Variants in CADPS observed in about 807,000 individuals in gnomAD.
The protein encoded by CADPS is calcium-dependent secretion activator 1.
A neutral mutation model predicts 167.3 loss-of-function variants in CADPS; 57 were observed. The ratio of observed to expected loss-of-function variants is 0.34; its 90% confidence interval spans 0.28 to 0.42. The LOEUF is 0.42. Ranked by LOEUF, CADPS falls within the 20% of genes least tolerant of loss-of-function variation. The probability of loss-of-function intolerance (pLI) is 1.00; values close to 1 mark genes in which losing one functional copy is unlikely to be tolerated. For missense variants in CADPS, 1,414 were observed against 1,738.1 expected (o/e 0.81, Z 3.32); for synonymous variants, 676 against 635.3 (o/e 1.06, Z -0.96).
At chr3:62,722,848 G>T (rs1312575621) in intron 3 of CADPS, among the ~76,000 whole-genome samples, 1 of 152,072 alleles carries the variant, frequency 6.6e-6, no homozygotes, top group Non-Finnish European at 1.5e-5. Context: ...GGCCGTGAGG[G>T]TCCTGTGCTC....
chr3:62,662,499 T>C (rs2073486653), intron 3 of CADPS, 105 bp from the exon 4 acceptor site: 1 of 920,768 alleles, frequency 1.1e-6, no homozygotes, highest in African/African-American at 1.7e-5. Flanking sequence ...CATGGACATA[T>C]TTCAGTTAAA....
Position 62,412,181 on chromosome 3 carries a change from T to C in CADPS, c.3778-8996A>G, listed in dbSNP as rs943393818. 1.6e-4 allele frequency among the ~76,000 whole-genome samples: 25 copies of C among 151,766 alleles called. No homozygotes were observed. The highest frequency in any genetic ancestry group is 5.8e-4 in the African/African-American group (24 of 41,362). On this transcript the variant is annotated intron_variant, in intron 28 of 29. Coordinates refer to ENST00000383710, the MANE Select transcript of CADPS (RefSeq NM_003716.4). This position sits in a 1 kb window ranked among gnomAD's most constrained non-coding sequence, Gnocchi z 4.1. ...TTTTTTTTTAACGTCCGTAATTCTT[T>C]GGATACCTGAAAACCCATGCCACTG...
chr3:62,817,779 T>A (rs2094695033), intron 1 of CADPS, among the ~76,000 whole-genome samples: 1 of 152,206 alleles, frequency 6.6e-6, no homozygotes, highest in Non-Finnish European at 1.5e-5. Context: ...GTCTGCTAGA[T>A]AAATTGGTAC....
chr3:62,672,908 C>T lies in CADPS; in HGVS notation c.889-10514G>A, dbSNP rs151066002. On this transcript the variant is annotated intron_variant, in intron 3 of 29. Transcript: ENST00000383710. The stretch of plus-strand genomic sequence containing the variant: ...GGGATTACAGATGTGAGCCACTGCA[C>T]CTGGCCCTCTGTCATCTTTGTCTGG... Among the ~76,000 whole-genome samples, 253 of 152,302 alleles carry T rather than the reference C, an allele frequency of 1.7e-3. 4 individuals are homozygous for T. The East Asian group carries it at 0.022, about 13-fold the overall frequency.
intron 17 of CADPS, among the ~76,000 whole-genome samples, chr3:62,505,955 C>G (rs1348266954): frequency 1.3e-5 from 2 of 152,154 alleles, no homozygotes; most frequent in African/African-American, 2.4e-5. Flanking sequence ...AGTATACATA[C>G]AAACTACACA....
At chr3:62,648,924 C>G (rs923772899) in intron 5 of CADPS, among the ~76,000 whole-genome samples, 1 of 151,984 alleles carries the variant, frequency 6.6e-6, no homozygotes, top group African/African-American at 2.4e-5. Flanking sequence ...GATTTTTTCA[C>G]ACACTAAGTA....
At chr3:62,681,795 T>C (rs181155896) in intron 3 of CADPS, among the ~76,000 whole-genome samples, 2 of 152,126 alleles carry the variant, frequency 1.3e-5, no homozygotes, top group East Asian at 1.9e-4. Context: ...CTATAACACA[T>C]CTACATCATC....
At chr3:62,846,631 T>C (rs932178008) in intron 1 of CADPS, among the ~76,000 whole-genome samples, 1 of 152,102 alleles carries the variant, frequency 6.6e-6, no homozygotes, top group Non-Finnish European at 1.5e-5. Context: ...TGACCAAAGA[T>C]TGGGTCTTTT....
In CADPS at chr3:62,516,126, G is replaced by C; in HGVS notation, c.2514C>G (p.Ile838Met). The change falls in exon 16 of 30, where the codon ATC becomes ATG. Residue 838 changes from isoleucine (I) to methionine (M), a missense_variant. This residue lies in a region of CADPS where 529 missense variants were observed against 629.6 expected (regional missense o/e 0.84). Coordinates refer to ENST00000383710, the MANE Select transcript of CADPS (RefSeq NM_003716.4). ...PVPQEEVKTV[I>M]RKCLEQAALV... ...ACGCAGCCTGTTCCAGACATTTACG[G>C]ATAACTGTTTTTACCTCCTCTTGTG... 6.2e-7 allele frequency: 1 copy of C among 1,613,370 alleles called. No homozygotes were observed. The highest frequency in any genetic ancestry group is 8.5e-7 in the Non-Finnish European group (1 of 1,179,470).
At chr3:62,447,527 T>C (rs2057398340) in intron 26 of CADPS, among the ~76,000 whole-genome samples, 1 of 152,134 alleles carries the variant, frequency 6.6e-6, no homozygotes, top group African/African-American at 2.4e-5. Flanking sequence ...TGTCTCCTCA[T>C]TGATTCACCT....
chr3:62,841,550 T>C (rs993990153), intron 1 of CADPS, among the ~76,000 whole-genome samples: 1 of 152,092 alleles, frequency 6.6e-6, no homozygotes. Context: ...ACCTTGTCTC[T>C]ACAAAAAAAT....
At chr3:62,820,352 C>T (rs931769106) in intron 1 of CADPS, among the ~76,000 whole-genome samples, 2 of 152,168 alleles carry the variant, frequency 1.3e-5, no homozygotes, top group African/African-American at 4.8e-5. Context: ...CAGACATTCA[C>T]AACACCCTCC....
intron 4 of CADPS, among the ~76,000 whole-genome samples, chr3:62,660,986 A>G (rs2073069808): frequency 6.6e-6 from 1 of 152,180 alleles, no homozygotes; most frequent in Non-Finnish European, 1.5e-5. Context: ...TCTCTAAACC[A>G]AGAATGATAA....
intron 1 of CADPS, among the ~76,000 whole-genome samples, chr3:62,863,830 T>C (rs927314659): frequency 6.6e-6 from 1 of 152,218 alleles, no homozygotes; most frequent in African/African-American, 2.4e-5. Flanking sequence ...CATTTGTGCC[T>C]TGGCCAGCTC....
Position 62,481,738 on chromosome 3 carries a change from G to A in CADPS, c.3158C>T (p.Ala1053Val). The change falls in exon 22 of 30, where the codon GCT (alanine) becomes GTT (valine). Residue 1053 changes from alanine to valine, a missense_variant. Transcript: ENST00000383710. ...PTFSAPSWMA[A>V]IYDADNGSGT... is the part of the protein sequence containing the mutation. ...GAATACACACTCCGCATCATATATAGCAGCCATCCATGACGGTGCCGAAAA... is the reference window on the plus strand; with the variant it reads ...GAATACACACTCCGCATCATATATAACAGCCATCCATGACGGTGCCGAAAA... The A allele has an allele frequency of 2.5e-6, 4 of 1,603,266 alleles. No homozygotes were observed. Among genetic ancestry groups the A allele is most frequent in the Non-Finnish European group, 2.5e-6 (3 of 1,176,972 alleles).
intron 26 of CADPS, among the ~76,000 whole-genome samples, chr3:62,448,043 T>C (rs1219393010): frequency 2.0e-5 from 3 of 152,160 alleles, no homozygotes; most frequent in Admixed American, 6.5e-5. Context: ...ACCCATAGAA[T>C]TTAAGGAATT....
At chr3:62,768,807 G>A (rs2087674497) in intron 1 of CADPS, among the ~76,000 whole-genome samples, 1 of 152,214 alleles carries the variant, frequency 6.6e-6, no homozygotes, top group Non-Finnish European at 1.5e-5. Context: ...GGAGAAAGGA[G>A]CTAAGGAACT....
In CADPS at chr3:62,851,412, C is replaced by T. The variant is rs960520349; in HGVS notation, c.441+23177G>A. Among the ~76,000 whole-genome samples, 9 of 138,528 alleles carry T rather than the reference C, an allele frequency of 6.5e-5. 1 individual carries two copies. Among genetic ancestry groups the T allele is most frequent in the African/African-American group, 2.4e-4 (9 of 37,284 alleles). 90.9% of individuals were successfully genotyped at this position (138,528 alleles called of 152,430 possible). A position where few individuals can be genotyped will look rare whatever the true frequency, so the allele number is the denominator to read the frequency against. On this transcript the variant is annotated intron_variant, in intron 1 of 29. Transcript: ENST00000383710. ...TGGCATGATTTTGCAGCGGCTGGTA[C>T]TGGTTGTTCCTTTCCATGTTTAGCG...
intron 1 of CADPS, among the ~76,000 whole-genome samples, chr3:62,781,021 G>T (rs573622230): frequency 6.6e-6 from 1 of 152,092 alleles, no homozygotes; most frequent in Non-Finnish European, 1.5e-5. Context: ...TACTATTAGG[G>T]CTGATACTAT....
Sources: allele counts gnomAD v4.1 joint callset (sites outside exome capture counted in the v4.1 genomes callset), GRCh38; gene constraint gnomAD v4.1.1; regional missense constraint gnomAD v4.1.1; non-coding constraint Gnocchi (gnomAD v3.1); transcripts MANE v1.5; gene names NCBI Gene and HGNC (gene_info 2026-07-23, HGNC 2026-07-21).